Variants in GDPD5 observed in about 807,000 individuals in gnomAD.
The protein encoded by GDPD5 is glycerophosphodiester phosphodiesterase domain containing 5.
GDPD5 carries 48 observed loss-of-function variants against 75.1 expected under a neutral mutation model. The observed-to-expected ratio is 0.64, with a 90% CI of 0.51 to 0.81. The LOEUF (loss-of-function observed/expected upper bound fraction) is 0.81, where lower values mean the gene tolerates loss of function less well. Among genes scored for constraint, GDPD5 ranks in the 40% least tolerant of loss-of-function variants. The pLI, the probability that GDPD5 is intolerant of heterozygous loss-of-function variation, is 0.00. For synonymous variants in GDPD5, 336 were observed against 339.0 expected (o/e 0.99, Z 0.10); for missense variants, 706 against 822.6 (o/e 0.86, Z 1.73).
intron 9 of GDPD5, among the ~76,000 whole-genome samples, chr11:75,448,165 G>A (rs573530404): frequency 2.0e-5 from 3 of 152,158 alleles, no homozygotes; most frequent in Non-Finnish European, 4.4e-5. Flanking sequence ...CCCCCACTTG[G>A]CAGGGTGGGG....
In GDPD5 at chr11:75,457,801, G is replaced by A; in HGVS notation, c.222-15C>T. ...TGTAGAGGTACCTGCCAGGAGGAGA[G>A]GGGGCAGGGGTCAGACCTCCACCAG... On this transcript the variant is annotated splice_polypyrimidine_tract_variant and intron_variant, in intron 4 of 16. Coordinates refer to ENST00000336898, the MANE Select transcript of GDPD5 (RefSeq NM_030792.8). 1.2e-6 allele frequency: 2 copies of A among 1,605,668 alleles called. No individual in the cohort carries two copies. Among genetic ancestry groups the A allele is most frequent in the Non-Finnish European group, 1.7e-6 (2 of 1,172,616 alleles).
Position 75,512,281 on chromosome 11 carries a change from G to GACACACACACACACACACACACACAC in GDPD5, c.-145+12903_-145+12928dup, listed in dbSNP as rs145862089. Among the ~76,000 whole-genome samples, 480 of 123,162 alleles carry GACACACACACACACACACACACACAC rather than the reference G, an allele frequency of 3.9e-3. 20 individuals carry two copies. The highest frequency in any genetic ancestry group is 7.7e-3 in the East Asian group (30 of 3,898). The allele number at this position is 123,162 out of a possible 152,430, so 80.8% of individuals were successfully genotyped here. A position where few individuals can be genotyped will look rare whatever the true frequency, so the allele number is the denominator to read the frequency against. ...CTGGTAGAAGCATGAAATTGGGAAG[G>GACACACACACACACACACACACACAC]ACACACACACACACACACACACACA... On this transcript the variant is annotated intron_variant, in intron 1 of 16. Transcript: ENST00000336898.
At chr11:75,485,991 C>G (rs1010333288) in intron 2 of GDPD5, among the ~76,000 whole-genome samples, 1 of 152,178 alleles carries the variant, frequency 6.6e-6, no homozygotes, top group Admixed American at 6.5e-5. Flanking sequence ...CCCAGCCCAG[C>G]CCTGGGATGA....
intron 12 of GDPD5, among the ~76,000 whole-genome samples, chr11:75,442,160 G>A (rs562440951): frequency 5.5e-4 from 84 of 152,342 alleles, no homozygotes; most frequent in African/African-American, 1.6e-3. Context: ...TAACTTGACC[G>A]CCTGGACCTT....
intron 1 of GDPD5, among the ~76,000 whole-genome samples, chr11:75,513,799 T>C (rs1241639819): frequency 6.6e-6 from 1 of 152,182 alleles, no homozygotes; most frequent in Non-Finnish European, 1.5e-5. Context: ...CTGGCACCCA[T>C]AGGGCCTCCT....
At chr11:75,491,918 T>A (rs956335378) in intron 1 of GDPD5, among the ~76,000 whole-genome samples, 3 of 152,026 alleles carry the variant, frequency 2.0e-5, no homozygotes, top group African/African-American at 7.2e-5. Flanking sequence ...CCTCCCCCCA[T>A]TAGACAGACA....
chr11:75,483,762 A>G (rs145555981), intron 2 of GDPD5, among the ~76,000 whole-genome samples: 102 of 152,378 alleles, frequency 6.7e-4, no homozygotes, highest in African/African-American at 2.3e-3. Context: ...GTATGATTCC[A>G]TGTATAAGAA....
At chr11:75,496,779 C>CTTTCTTTTTTTTTTTTTTTTTTT (rs58663409) in intron 1 of GDPD5, among the ~76,000 whole-genome samples, 16 of 103,112 alleles carry the variant, frequency 1.6e-4, no homozygotes, top group East Asian at 3.3e-4. Context: ...TTCTTTCTTT[C>CTTTCTTTTTTTTTTTTTTTTTTT]TTTTTTTTTT....
In GDPD5 at chr11:75,525,288, A is replaced by G. The variant is rs7949091; in HGVS notation, c.-223T>C. On this transcript the variant is annotated 5_prime_UTR_variant, in exon 1 of 17. Transcript: ENST00000336898. Reference sequence around the variant, plus strand: ...CTTCGGGGCAGGCGCTGAACCCCTCACCTGAGGCGGGACGAAGGTGACAGC... The same window carrying G: ...CTTCGGGGCAGGCGCTGAACCCCTCGCCTGAGGCGGGACGAAGGTGACAGC... The G allele has an allele frequency of 0.94, 142,920 of 152,390 alleles. 67,260 individuals carry two copies. The highest frequency in any genetic ancestry group is 0.98 in the Middle Eastern group (289 of 294). The allele number at this position is 152,390 out of a possible 1,614,324, so 9.4% of individuals were successfully genotyped here. A position where few individuals can be genotyped will look rare whatever the true frequency, so the allele number is the denominator to read the frequency against.
At chr11:75,477,893 T>TGCTCAAA in intron 2 of GDPD5, 98 bp from the exon 3 acceptor site, 1 of 484,088 alleles carries the variant, frequency 2.1e-6, no homozygotes, top group East Asian at 3.2e-5. Flanking sequence ...GGGTCACCCC[T>TGCTCAAA]GCTCAAAGCA....
intron 6 of GDPD5, 98 bp downstream of exon 6, chr11:75,456,659 T>C (rs1793410): frequency 0.73 from 839,972 of 1,150,884 alleles, 309,367 homozygotes; most frequent in East Asian, 0.97. Flanking sequence ...ATTCTAACGG[T>C]GATCCAGGGG....
At chr11:75,466,760 G>A (rs541377274) in intron 3 of GDPD5, among the ~76,000 whole-genome samples, 10 of 152,288 alleles carry the variant, frequency 6.6e-5, no homozygotes, top group East Asian at 3.9e-4. Flanking sequence ...GGCACATGGC[G>A]GGCGGGTGTG....
At chr11:75,466,524 A>G (rs1360364486) in intron 3 of GDPD5, among the ~76,000 whole-genome samples, 1 of 152,172 alleles carries the variant, frequency 6.6e-6, no homozygotes, top group Non-Finnish European at 1.5e-5. Flanking sequence ...CCCTGCTCCC[A>G]GAGACGTGGA....
At chr11:75,480,156 G>A (rs1471243385) in intron 2 of GDPD5, among the ~76,000 whole-genome samples, 1 of 152,052 alleles carries the variant, frequency 6.6e-6, no homozygotes, top group African/African-American at 2.4e-5. Flanking sequence ...CTAACATGGT[G>A]AAACCCCATC....
At chr11:75,522,110 T>G (rs897389408) in intron 1 of GDPD5, among the ~76,000 whole-genome samples, 4 of 150,906 alleles carry the variant, frequency 2.7e-5, no homozygotes, top group African/African-American at 4.9e-5. Flanking sequence ...TACCACGCTA[T>G]CCCACCTGCC....
At chr11:75,447,054 T>C (rs185680196) in intron 9 of GDPD5, among the ~76,000 whole-genome samples, 190 of 152,200 alleles carry the variant, frequency 1.2e-3, no homozygotes, top group Non-Finnish European at 2.2e-3. Context: ...CAGCTAATGT[T>C]GTATTTTTAG....
chr11:75,506,994 G>C (rs527333635), intron 1 of GDPD5: 1 of 152,306 alleles, frequency 6.6e-6, no homozygotes, highest in African/African-American at 2.4e-5. Flanking sequence ...CCAGGCAGGG[G>C]AGTAGCACAG....
rs375711308 is a variant in GDPD5, at chr11:75,442,439, C to T, written c.1091G>A (p.Arg364Gln). 91 of 1,611,388 alleles carry T rather than the reference C, an allele frequency of 5.6e-5. No homozygotes were observed. The highest frequency in any genetic ancestry group is 7.5e-5 in the Non-Finnish European group (88 of 1,179,042). ...TLLLNLRDPP[R>Q]EHPYRSSFIN... The stretch of plus-strand genomic sequence containing the variant: ...AAAACTGCTGCGGTAGGGGTGCTCC[C>T]GGGGCGGGTCACGCAGGTTGAGCAG... Residue 364 changes from arginine to glutamine, a missense_variant, in exon 12 of 17, where the codon CGG (arginine) becomes CAG (glutamine). Physicochemically the swap from Arg to Gln is conservative, Grantham distance 43. Coordinates refer to ENST00000336898, the MANE Select transcript of GDPD5 (RefSeq NM_030792.8).
At position 75,439,896 on chromosome 11, in the gene GDPD5, G is replaced by A. The variant is rs766357364; in HGVS notation, c.1539C>T (p.Gly513=). ...CTACTCACTTCTGGAGCACGAAGAT[G>A]CCCACGATGAGGGTGAAGGAGACCA... is the stretch of plus-strand genomic sequence containing the variant. ...ADLVSFTLIV[G]IFVLQKWRLG... The change falls in exon 15 of 17, where the codon GGC becomes GGT. Residue 513 remains glycine (G), a synonymous_variant. Transcript: ENST00000336898. The A allele has an allele frequency of 3.1e-6, 5 of 1,613,862 alleles. No individual in the cohort carries two copies. In the South Asian group the frequency reaches 5.5e-5, roughly 18 times the overall value.
Sources: gnomAD v4.1 joint callset for allele counts (sites outside exome capture counted in the v4.1 genomes callset) on GRCh38, gnomAD v4.1.1 for gene constraint, MANE v1.5 for transcripts, NCBI Gene and HGNC (gene_info 2026-07-23, HGNC 2026-07-21) for gene names.